RAPGEF1: variants seen among roughly 807,000 people sequenced by gnomAD.
The protein encoded by RAPGEF1 is CRK SH3-binding GNRP.
Under a neutral mutation model 143.3 loss-of-function variants are expected in RAPGEF1, and 33 were observed. That is an observed-to-expected ratio of 0.23 (90% CI 0.17 to 0.31). The LOEUF is 0.31. Among genes scored for constraint, RAPGEF1 ranks in the 10% least tolerant of loss-of-function variants. The pLI is 1.00. For synonymous variants in RAPGEF1, 629 were observed against 676.5 expected (o/e 0.93, Z 1.09); for missense variants, 1,199 against 1,645.4 (o/e 0.73, Z 4.69).
chr9:131,669,010 C>A (rs1473514582), intron 1 of RAPGEF1, among the ~76,000 whole-genome samples: 5 of 152,228 alleles, frequency 3.3e-5, no homozygotes, highest in Non-Finnish European at 7.3e-5. Flanking sequence ...TCTGCCGGGG[C>A]CGCAGCCTCC....
chr9:131,658,284 T>C (rs1003218474), intron 1 of RAPGEF1, among the ~76,000 whole-genome samples: 2 of 152,174 alleles, frequency 1.3e-5, no homozygotes, highest in Non-Finnish European at 2.9e-5. Flanking sequence ...TCCCGGCACC[T>C]GGGGTTGCCA....
chr9:131,604,973 C>T lies in RAPGEF1; in HGVS notation c.2277G>A (p.Gly759=). 1 of 1,324,846 alleles carries T rather than the reference C, an allele frequency of 7.5e-7. No individual in the cohort carries two copies. The highest frequency in any genetic ancestry group is 1.0e-6 in the Non-Finnish European group (1 of 1,000,742). 82.1% of individuals were successfully genotyped at this position (1,324,846 alleles called of 1,614,324 possible). The change falls in exon 13 of 27, where the codon GGG becomes GGA. Residue 759 remains glycine (G), a synonymous_variant. Transcript: ENST00000683357. The part of the protein sequence containing the change: ...LSASQESSFH[G]NTVCLPSETS... ...TTTCGGAAGGAAGGCAGACAGTATTCCCATGAAAGCTGCTCTCCTGAGAAG... is the reference window on the plus strand; with the variant it reads ...TTTCGGAAGGAAGGCAGACAGTATTTCCATGAAAGCTGCTCTCCTGAGAAG...
chr9:131,668,123 G>A (rs1375212956), intron 1 of RAPGEF1, among the ~76,000 whole-genome samples: 3 of 152,148 alleles, frequency 2.0e-5, no homozygotes, highest in Non-Finnish European at 2.9e-5. Context: ...ACTTTTCCGC[G>A]TGAACAAAGC....
intron 17 of RAPGEF1, among the ~76,000 whole-genome samples, chr9:131,592,578 C>G (rs1213553212): frequency 6.6e-6 from 1 of 152,114 alleles, no homozygotes; most frequent in Non-Finnish European, 1.5e-5. Context: ...GGTGGCATGC[C>G]TGTTCCAGGT....
chr9:131,685,828 A>G (rs1237040719), intron 1 of RAPGEF1, among the ~76,000 whole-genome samples: 2 of 152,132 alleles, frequency 1.3e-5, no homozygotes, highest in Admixed American at 1.3e-4. Context: ...CATATAGTGG[A>G]GTATGGAGAA....
In RAPGEF1 at chr9:131,584,314, T is replaced by A; in HGVS notation, c.3411A>T (p.Ser1137=). 2 of 1,610,360 alleles carry A rather than the reference T, an allele frequency of 1.2e-6. No individual in the cohort carries two copies. Among genetic ancestry groups the A allele is most frequent in the Non-Finnish European group, 1.7e-6 (2 of 1,178,212 alleles). Residue 1137 remains serine, a synonymous_variant, in exon 24 of 27, where the codon TCA becomes TCT. Transcript: ENST00000683357. The surrounding 1 kb of genome is among the most constrained non-coding windows in gnomAD (Gnocchi z 6.8). ...IRRLEWQKQT[S]EGLAEYCTLI... The stretch of plus-strand genomic sequence containing the variant: ...CCCACGCCCCAAGGCCACTCACCTC[T>A]GAAGTCTGCTTCTGCCACTCCAGCC...
At chr9:131,716,759 G>C (rs1835892682) in intron 1 of RAPGEF1, among the ~76,000 whole-genome samples, 1 of 152,100 alleles carries the variant, frequency 6.6e-6, no homozygotes, top group South Asian at 2.1e-4. Context: ...GGTGACAGAG[G>C]CAGACCCTGT....
chr9:131,616,917 T>C (rs1959096096), intron 12 of RAPGEF1, among the ~76,000 whole-genome samples: 1 of 152,220 alleles, frequency 6.6e-6, no homozygotes, highest in African/African-American at 2.4e-5. Flanking sequence ...CCATTACTAA[T>C]GGTTCCTGAG....
Position 131,709,752 on chromosome 9 carries a change from G to A in RAPGEF1, c.61+30018C>T. 1.9e-5 allele frequency: 30 copies of A among 1,609,346 alleles called. No individual in the cohort carries two copies. In the South Asian group the frequency reaches 3.2e-4, roughly 17 times the overall value. ...TTCCGGAGCAGCAACTGAGGACCGA[G>A]TCACTGGCTGAAAGGGGATATCTCT... is the stretch of plus-strand genomic sequence containing the variant. On this transcript the variant is annotated intron_variant, in intron 1 of 26. Transcript: ENST00000683357.
chr9:131,580,134 T>C lies in RAPGEF1; in HGVS notation c.3641+129A>G, dbSNP rs933299951. Reference sequence around the variant, plus strand: ...CTGGCAGAAACTGAAGGGCCCGGACTATATCTCAGCAGTGGCAGGTCCCTG... The same window carrying C: ...CTGGCAGAAACTGAAGGGCCCGGACCATATCTCAGCAGTGGCAGGTCCCTG... On this transcript the variant is annotated intron_variant, in intron 26 of 26. Transcript: ENST00000683357. 9 of 1,261,942 alleles carry C rather than the reference T, an allele frequency of 7.1e-6. No homozygotes were observed. In the East Asian group the frequency reaches 2.3e-4, roughly 32 times the overall value. 78.2% of individuals were successfully genotyped at this position (1,261,942 alleles called of 1,614,324 possible).
intron 11 of RAPGEF1, among the ~76,000 whole-genome samples, chr9:131,620,961 T>C (rs1960782707): frequency 6.6e-6 from 1 of 152,224 alleles, no homozygotes; most frequent in African/African-American, 2.4e-5. Flanking sequence ...CAGGCAGCTC[T>C]GAACAAGCCT....
At chr9:131,692,626 C>T (rs1187102760) in intron 1 of RAPGEF1, among the ~76,000 whole-genome samples, 4 of 152,340 alleles carry the variant, frequency 2.6e-5, no homozygotes, top group Admixed American at 6.5e-5. Context: ...CTGTGGACAG[C>T]TTTTCCCAAG....
At chr9:131,589,033 A>G (rs1391610454) in intron 19 of RAPGEF1, 47 bp from the exon 20 acceptor site, 1 of 1,574,144 alleles carries the variant, frequency 6.4e-7, no homozygotes, top group Non-Finnish European at 8.7e-7. Flanking sequence ...CGCAAGGCCC[A>G]GGCAGAGTCT....
intron 1 of RAPGEF1, among the ~76,000 whole-genome samples, chr9:131,669,095 G>A (rs1242637188): frequency 2.0e-5 from 3 of 152,236 alleles, no homozygotes; most frequent in African/African-American, 4.8e-5. Flanking sequence ...GGGCTGGGTC[G>A]TGGTGATGGA....
At chr9:131,600,010 G>C (rs918283193) in intron 15 of RAPGEF1, among the ~76,000 whole-genome samples, 1 of 152,116 alleles carries the variant, frequency 6.6e-6, no homozygotes, top group African/African-American at 2.4e-5. Context: ...CCAGCTACTT[G>C]GAGGCTGGGG....
chr9:131,604,909 T>C, intron 13 of RAPGEF1, 22 bp downstream of exon 13: 1 of 1,289,346 alleles, frequency 7.8e-7, no homozygotes, highest in Non-Finnish European at 1.0e-6. Context: ...TGTGTGTGTG[T>C]GTGTGCACGC....
intron 1 of RAPGEF1, among the ~76,000 whole-genome samples, chr9:131,700,781 T>C (rs921997352): frequency 2.6e-5 from 4 of 152,158 alleles, no homozygotes; most frequent in African/African-American, 9.7e-5. Context: ...GACCTGAATG[T>C]GTGTGTGCCG....
intron 15 of RAPGEF1, among the ~76,000 whole-genome samples, chr9:131,600,208 C>T (rs182901300): frequency 1.1e-4 from 16 of 152,290 alleles, no homozygotes; most frequent in Non-Finnish European, 2.1e-4. Flanking sequence ...CTCCACATCT[C>T]GTCAATGTTC....
chr9:131,738,430 T>C (rs1233209724), intron 1 of RAPGEF1, among the ~76,000 whole-genome samples: 2 of 152,114 alleles, frequency 1.3e-5, no homozygotes, highest in African/African-American at 2.4e-5. Flanking sequence ...TGGCGACTCA[T>C]GGTCACTCGG....
Sources: allele counts gnomAD v4.1 joint callset (sites outside exome capture counted in the v4.1 genomes callset), GRCh38; gene constraint gnomAD v4.1.1; non-coding constraint Gnocchi (gnomAD v3.1); transcripts MANE v1.5; gene names NCBI Gene and HGNC (gene_info 2026-07-23, HGNC 2026-07-21).